PTPRD: variants seen among roughly 807,000 people sequenced by gnomAD.
PTPRD encodes the protein receptor-type tyrosine-protein phosphatase delta.
A neutral mutation model predicts 214.5 loss-of-function variants in PTPRD; 34 were observed. That is an observed-to-expected ratio of 0.16 (90% CI 0.12 to 0.21). PTPRD has a LOEUF of 0.21. PTPRD is among the 10% of genes least tolerant of loss of function. The probability of loss-of-function intolerance (pLI) is 1.00; values close to 1 mark genes in which losing one functional copy is unlikely to be tolerated. For missense variants in PTPRD, 2,545 were observed against 2,398.7 expected, an observed-to-expected ratio of 1.06 and a Z score of -1.27; for synonymous variants, 1,128 against 845.7, an observed-to-expected ratio of 1.33 and a Z score of -5.79.
intron 3 of PTPRD, among the ~76,000 whole-genome samples, chr9:10,091,025 G>A (rs1044778214): frequency 6.7e-6 from 1 of 149,076 alleles, no homozygotes; most frequent in African/African-American, 2.5e-5. Flanking sequence ...GACATTAGTC[G>A]CTGCTGTCAT....
intron 3 of PTPRD, among the ~76,000 whole-genome samples, chr9:10,081,923 T>C (rs1436005440): frequency 6.6e-6 from 1 of 152,074 alleles, no homozygotes; most frequent in African/African-American, 2.4e-5. Flanking sequence ...AATACAGTCA[T>C]AACCAGTGTT....
At chr9:9,842,041 T>A (rs941143469) in intron 5 of PTPRD, among the ~76,000 whole-genome samples, 2 of 151,992 alleles carry the variant, frequency 1.3e-5, no homozygotes, top group Admixed American at 6.6e-5. Context: ...TTGGGAAAAA[T>A]TGCTTATTTT....
intron 11 of PTPRD, among the ~76,000 whole-genome samples, chr9:8,804,588 A>T (rs1294369928): frequency 6.6e-6 from 1 of 151,760 alleles, no homozygotes; most frequent in African/African-American, 2.4e-5. Context: ...ACAGAGAGAC[A>T]CTCTGTCTCC....
At chr9:9,487,830 A>G (rs1420443270) in intron 8 of PTPRD, among the ~76,000 whole-genome samples, 1 of 152,204 alleles carries the variant, frequency 6.6e-6, no homozygotes, top group Non-Finnish European at 1.5e-5. Context: ...AAACTAAGTA[A>G]TATCAGAAAG....
At chr9:10,393,313 G>GTGTC (rs1343655033) in intron 2 of PTPRD, among the ~76,000 whole-genome samples, 1 of 151,786 alleles carries the variant, frequency 6.6e-6, no homozygotes, top group Non-Finnish European at 1.5e-5. Flanking sequence ...GTTTGTGTGT[G>GTGTC]TGTGTATGTG....
intron 8 of PTPRD, among the ~76,000 whole-genome samples, chr9:9,566,996 G>A (rs1190483350): frequency 6.6e-6 from 1 of 151,968 alleles, no homozygotes; most frequent in East Asian, 1.9e-4. Flanking sequence ...TACCCTCAAA[G>A]TGTGGAAAGT....
intron 7 of PTPRD, among the ~76,000 whole-genome samples, chr9:9,602,645 A>G (rs974965598): frequency 3.3e-5 from 5 of 152,040 alleles, no homozygotes; most frequent in Admixed American, 6.6e-5. Flanking sequence ...TCATTATTAC[A>G]AAAAATAGAT....
intron 9 of PTPRD, among the ~76,000 whole-genome samples, chr9:9,260,549 T>A (rs953470774): frequency 6.6e-6 from 1 of 151,852 alleles, no homozygotes; most frequent in African/African-American, 2.4e-5. Context: ...CCTTTTTTCA[T>A]TCCCTCTCAA....
At chr9:8,428,042 G>C (rs7028065) in intron 35 of PTPRD, among the ~76,000 whole-genome samples, 8,185 of 152,214 alleles carry the variant, frequency 0.054, 381 homozygotes, top group African/African-American at 0.12. Flanking sequence ...TTTATATAGA[G>C]ATGAACAAAC....
At chr9:9,314,275 C>T (rs997995171) in intron 9 of PTPRD, among the ~76,000 whole-genome samples, 8 of 151,962 alleles carry the variant, frequency 5.3e-5, no homozygotes, top group South Asian at 2.1e-4. Flanking sequence ...TTATTTTTAA[C>T]GGAACAAAAT....
At chr9:9,816,037 C>T (rs1421650608) in intron 5 of PTPRD, among the ~76,000 whole-genome samples, 1 of 152,028 alleles carries the variant, frequency 6.6e-6, no homozygotes, top group African/African-American at 2.4e-5. Flanking sequence ...AGAGTCACTG[C>T]AAGGAATGTT....
intron 4 of PTPRD, among the ~76,000 whole-genome samples, chr9:9,999,752 G>C (rs565555656): frequency 6.6e-6 from 1 of 152,156 alleles, no homozygotes; most frequent in Non-Finnish European, 1.5e-5. Context: ...TTTCGTCAAG[G>C]TTGTTTTGCT....
intron 7 of PTPRD, among the ~76,000 whole-genome samples, chr9:9,612,580 A>G (rs1207478909): frequency 6.6e-6 from 1 of 152,146 alleles, no homozygotes; most frequent in African/African-American, 2.4e-5. Context: ...CTTTCCTTCC[A>G]CTTCAAAAAT....
chr9:10,589,507 A>C (rs918567681), intron 2 of PTPRD, among the ~76,000 whole-genome samples: 2 of 152,244 alleles, frequency 1.3e-5, no homozygotes, highest in East Asian at 3.9e-4. Context: ...ACATTAGAGC[A>C]TAAGTAGCCA....
intron 44 of PTPRD, among the ~76,000 whole-genome samples, chr9:8,322,404 C>A (rs1241667642): frequency 6.6e-6 from 1 of 152,296 alleles, no homozygotes; most frequent in Admixed American, 6.5e-5. Flanking sequence ...CTCCAGTGAA[C>A]ACATGAATGA....
intron 3 of PTPRD, among the ~76,000 whole-genome samples, chr9:10,310,410 C>A (rs1202040041): frequency 2.0e-5 from 3 of 151,882 alleles, no homozygotes; most frequent in African/African-American, 7.3e-5. Flanking sequence ...AAAAATTCAA[C>A]GTTATCATTA....
intron 9 of PTPRD, among the ~76,000 whole-genome samples, chr9:9,290,952 C>T (rs1376532066): frequency 1.3e-5 from 2 of 151,376 alleles, no homozygotes; most frequent in African/African-American, 4.8e-5. Flanking sequence ...ATAGAAATCA[C>T]TGAGCTCTAA....
chr9:8,743,924 T>G lies in PTPRD; in HGVS notation c.-103-9978A>C, dbSNP rs187175489. On this transcript the variant is annotated intron_variant, in intron 11 of 45. Transcript: ENST00000381196. Reference sequence around the variant, plus strand: ...CTAATATCCAGAATCTACAAAGAACTCAAACTCAAATCAGCAAGAAAAAAA... The same window carrying G: ...CTAATATCCAGAATCTACAAAGAACGCAAACTCAAATCAGCAAGAAAAAAA... Among the ~76,000 whole-genome samples, 826 of 150,660 alleles carry G rather than the reference T, an allele frequency of 5.5e-3. 15 individuals carry two copies. The highest frequency in any genetic ancestry group is 9.3e-3 in the Admixed American group (140 of 15,120).
At chr9:10,172,332 G>A (rs183273911) in intron 3 of PTPRD, among the ~76,000 whole-genome samples, 1 of 152,182 alleles carries the variant, frequency 6.6e-6, no homozygotes, top group East Asian at 1.9e-4. Context: ...CACCCCATAT[G>A]CAGAGATCCT....
Sources: allele counts gnomAD v4.1 joint callset (sites outside exome capture counted in the v4.1 genomes callset), GRCh38; gene constraint gnomAD v4.1.1; transcripts MANE v1.5; gene names NCBI Gene and HGNC (gene_info 2026-07-23, HGNC 2026-07-21).